OVCH1: variants seen among roughly 807,000 people sequenced by gnomAD.
OVCH1 encodes ovochymase 1, also known as ovochymase-1.
Under a neutral mutation model 138.4 loss-of-function variants are expected in OVCH1, and 139 were observed. The ratio of observed to expected loss-of-function variants is 1.00; its 90% CI spans 0.87 to 1.16. The LOEUF is 1.16. Among genes scored for constraint, OVCH1 ranks in the 50% most tolerant of loss-of-function variants. OVCH1 has a pLI of 0.00. For missense variants in OVCH1, 1,367 were observed against 1,357.9 expected (o/e 1.01, Z -0.11); for synonymous variants, 453 against 467.8 (o/e 0.97, Z 0.41).
At chr12:29,495,182 G>A (rs1191117277) in intron 4 of OVCH1, 103 bp downstream of exon 4, 1 of 1,115,374 alleles carries the variant, frequency 9.0e-7, no homozygotes, top group Non-Finnish European at 1.3e-6. Context: ...ACAAAGCTTA[G>A]CTATTCTATT....
chr12:29,411,833 A>G (rs1179490415), downstream of OVCH1, among the ~76,000 whole-genome samples: 2 of 150,974 alleles, frequency 1.3e-5, no homozygotes, highest in African/African-American at 4.8e-5. Context: ...GCTCTCTTCA[A>G]AGCTGCCAGA....
intron 3 of OVCH1, among the ~76,000 whole-genome samples, chr12:29,420,944 T>TTA (rs1941095048): frequency 1.3e-5 from 2 of 152,266 alleles, no homozygotes; most frequent in Non-Finnish European, 2.9e-5. Context: ...TAAACTTTAA[T>TTA]GTTTCTTGTG....
chr12:29,472,057 GTTAAC>G lies in OVCH1; in HGVS notation c.1676-80_1676-76del, dbSNP rs1565595470. 110 of 1,354,076 alleles carry G rather than the reference GTTAAC, an allele frequency of 8.1e-5. No individual in the cohort carries two copies. In the African/African-American group the frequency reaches 1.4e-3, roughly 17 times the overall value. The allele number at this position is 1,354,076 out of a possible 1,614,324, so 83.9% of individuals were successfully genotyped here. A position where few individuals can be genotyped will look rare whatever the true frequency, so the allele number is the denominator to read the frequency against. On this transcript the variant is annotated intron_variant, in intron 15 of 27. Transcript: ENST00000318184. Reference sequence around the variant, plus strand: ...CATACTCCTCCAATAGCTTGCCATAGTTAACAGTAGTGATTCTCAAACATCAGATA... The same window carrying G: ...CATACTCCTCCAATAGCTTGCCATAGAGTAGTGATTCTCAAACATCAGATA...
At chr12:29,431,688 C>T (rs776639766) in intron 27 of OVCH1, among the ~76,000 whole-genome samples, 7 of 152,108 alleles carry the variant, frequency 4.6e-5, no homozygotes, top group Non-Finnish European at 8.8e-5. Context: ...GTTTTATCTG[C>T]AATCTTAAGA....
downstream of OVCH1, among the ~76,000 whole-genome samples, chr12:29,422,629 G>T (rs914973053): frequency 2.6e-5 from 4 of 152,168 alleles, no homozygotes; most frequent in African/African-American, 9.7e-5. Flanking sequence ...AATTAATTAG[G>T]TTTTTAAATC....
chr12:29,476,753 G>GCA (rs1565600449), intron 12 of OVCH1, among the ~76,000 whole-genome samples: 110 of 8,496 alleles, frequency 0.013, 4 homozygotes, highest in African/African-American at 0.015. Flanking sequence ...GTACACACGC[G>GCA]CGCACACACA....
chr12:29,490,053 T>C (rs941301820), intron 5 of OVCH1, among the ~76,000 whole-genome samples: 4 of 152,098 alleles, frequency 2.6e-5, no homozygotes, highest in Non-Finnish European at 5.9e-5. Context: ...TTGGTCAATA[T>C]GGCAATGTTT....
chr12:29,408,436 C>T (rs1940910263), downstream of OVCH1, among the ~76,000 whole-genome samples: 1 of 109,012 alleles, frequency 9.2e-6, no homozygotes, highest in African/African-American at 2.7e-5. Flanking sequence ...ATGATATTGG[C>T]TGTGGGTTTG....
chr12:29,474,499 T>G (rs1321587419), intron 14 of OVCH1, among the ~76,000 whole-genome samples: 2 of 152,224 alleles, frequency 1.3e-5, no homozygotes, highest in Non-Finnish European at 2.9e-5. Flanking sequence ...TAGCTAGCTA[T>G]CCTATCACTC....
chr12:29,463,454 C>G (rs1414992401), intron 18 of OVCH1, among the ~76,000 whole-genome samples: 1 of 152,082 alleles, frequency 6.6e-6, no homozygotes, highest in African/African-American at 2.4e-5. Context: ...GCCACGGTAT[C>G]TGAAGGTTAA....
chr12:29,485,705 G>A (rs1327851965), intron 8 of OVCH1, among the ~76,000 whole-genome samples: 2 of 151,892 alleles, frequency 1.3e-5, no homozygotes, highest in African/African-American at 4.8e-5. Flanking sequence ...TAACCCGGAA[G>A]GCGGAGGTTG....
At chr12:29,476,155 C>G in intron 13 of OVCH1, 51 bp downstream of exon 13, 1 of 1,463,904 alleles carries the variant, frequency 6.8e-7, no homozygotes, top group Non-Finnish European at 9.6e-7. Flanking sequence ...CATGTTGCCA[C>G]TACTCTGATT....
At chr12:29,409,910 T>A (rs936604442), downstream of OVCH1, among the ~76,000 whole-genome samples, 8 of 152,140 alleles carry the variant, frequency 5.3e-5, no homozygotes, top group Admixed American at 5.2e-4. Context: ...CAGTGGGGTG[T>A]TAAAGTCTCC....
chr12:29,411,966 A>G (rs61917238), downstream of OVCH1, among the ~76,000 whole-genome samples: 119,832 of 151,538 alleles, frequency 0.79, 47,638 homozygotes, highest in Middle Eastern at 0.88. Context: ...CACCCAGTTC[A>G]AGCTTCCCCG....
intron 16 of OVCH1, among the ~76,000 whole-genome samples, chr12:29,469,113 T>G (rs2135998232): frequency 6.6e-6 from 1 of 152,262 alleles, no homozygotes; most frequent in South Asian, 2.1e-4. Context: ...GTGGGCTACC[T>G]TTACTGACTT....
At chr12:29,495,163 T>C in intron 4 of OVCH1, 122 bp downstream of exon 4, 1 of 1,030,686 alleles carries the variant, frequency 9.7e-7, no homozygotes, top group Admixed American at 2.5e-5. Flanking sequence ...AAAATTATTT[T>C]AAAAAGAAAC....
chr12:29,416,637 A>T (rs947969611), intron 3 of OVCH1, among the ~76,000 whole-genome samples: 9 of 140,094 alleles, frequency 6.4e-5, no homozygotes, highest in African/African-American at 1.7e-4. Flanking sequence ...ACATTTTTTT[A>T]AAAAAGAATG....
intron 15 of OVCH1, among the ~76,000 whole-genome samples, chr12:29,472,475 A>G (rs1942546977): frequency 6.6e-6 from 1 of 152,162 alleles, no homozygotes; most frequent in Non-Finnish European, 1.5e-5. Flanking sequence ...CTGTTCTCTT[A>G]TCAGGAATTG....
Position 29,465,446 on chromosome 12 carries a change from T to C in OVCH1, c.1857-227A>G, listed in dbSNP as rs548298293. Among the ~76,000 whole-genome samples the C allele has an allele frequency of 3.3e-5, 5 of 152,242 alleles. No homozygotes were observed. In the East Asian group the frequency reaches 7.7e-4, roughly 24 times the overall value. ...GCAAAGGGGAAGCAAGCACATCTTA[T>C]CACAGCAAAGCAGAAGAGAGAGAGC... On this transcript the variant is annotated intron_variant, in intron 16 of 27. Coordinates refer to ENST00000318184, the Ensembl canonical transcript of OVCH1.
Sources: gnomAD v4.1 joint callset for allele counts (sites outside exome capture counted in the v4.1 genomes callset) on GRCh38, gnomAD v4.1.1 for gene constraint, MANE v1.5 for transcripts, NCBI Gene and HGNC (gene_info 2026-07-23, HGNC 2026-07-21) for gene names.